SH2D4B: variants seen among roughly 807,000 people sequenced by gnomAD.
SH2D4B encodes SH2 domain-containing protein 4B.
Under a neutral mutation model 61.5 loss-of-function variants are expected in SH2D4B, and 45 were observed. The ratio of observed to expected loss-of-function variants is 0.73; its 90% CI spans 0.58 to 0.94. The LOEUF (loss-of-function observed/expected upper bound fraction) is 0.94. Among genes scored for constraint, SH2D4B ranks in the 40% least tolerant of loss-of-function variants. SH2D4B has a pLI of 0.00. For missense variants in SH2D4B, 572 were observed against 574.2 expected (o/e 1.00, Z 0.04); for synonymous variants, 224 against 220.4 (o/e 1.02, Z -0.14).
intron 6 of SH2D4B, among the ~76,000 whole-genome samples, chr10:80,623,634 G>A (rs1842741421): frequency 6.6e-6 from 1 of 152,110 alleles, no homozygotes; most frequent in Non-Finnish European, 1.5e-5. Context: ...TTGGAGATTT[G>A]GAGAGATTTT....
chr10:80,571,693 T>A (rs1418542440), intron 3 of SH2D4B, 115 bp downstream of exon 3: 6 of 1,188,434 alleles, frequency 5.0e-6, no homozygotes, highest in Non-Finnish European at 7.1e-6. Context: ...GGGTGCTTTA[T>A]GAGAATAGAA....
intron 4 of SH2D4B, among the ~76,000 whole-genome samples, chr10:80,593,458 A>C (rs1353166721): frequency 6.6e-6 from 1 of 152,144 alleles, no homozygotes; most frequent in Admixed American, 6.5e-5. Context: ...TTCTGATGCT[A>C]TTATAAATAG....
chr10:80,640,434 G>A (rs4342966), intron 7 of SH2D4B, among the ~76,000 whole-genome samples: 7,717 of 152,238 alleles, frequency 0.051, 650 homozygotes, highest in African/African-American at 0.18. Context: ...CCAATCAGAC[G>A]TAGATTTGGT....
chr10:80,615,246 C>T (rs1000825977), intron 6 of SH2D4B, among the ~76,000 whole-genome samples: 3 of 152,256 alleles, frequency 2.0e-5, no homozygotes, highest in African/African-American at 7.2e-5. Context: ...ACTGCAAGAG[C>T]TGGTCATGGT....
chr10:80,573,645 TG>T (rs1842090170), intron 3 of SH2D4B, among the ~76,000 whole-genome samples: 1 of 152,230 alleles, frequency 6.6e-6, no homozygotes, highest in Non-Finnish European at 1.5e-5. Context: ...GTTACTTACT[TG>T]TGGACCTTTT....
intron 7 of SH2D4B, 69 bp downstream of exon 7, chr10:80,634,574 A>G (rs1395302743): frequency 6.6e-7 from 1 of 1,523,598 alleles, no homozygotes; most frequent in Non-Finnish European, 8.8e-7. Context: ...AGAGAGAGCT[A>G]GAGCAAGAGA....
chr10:80,577,997 G>T (rs1272499914), intron 3 of SH2D4B, among the ~76,000 whole-genome samples: 1 of 151,492 alleles, frequency 6.6e-6, no homozygotes. Flanking sequence ...TCGAGACAGG[G>T]TCCGGCTCTG....
intron 1 of SH2D4B, among the ~76,000 whole-genome samples, chr10:80,563,058 C>G (rs959945400): frequency 4.6e-5 from 7 of 151,550 alleles, no homozygotes; most frequent in Admixed American, 4.6e-4. Flanking sequence ...CCTGCCACTA[C>G]GCCCGGCTAA....
At chr10:80,543,324 C>T (rs547845013) in intron 1 of SH2D4B, among the ~76,000 whole-genome samples, 195 of 152,220 alleles carry the variant, frequency 1.3e-3, no homozygotes, top group African/African-American at 4.5e-3. Flanking sequence ...GTGGGCTGGG[C>T]GGACCCCGCA....
At chr10:80,545,438 T>C (rs1841662406) in intron 1 of SH2D4B, among the ~76,000 whole-genome samples, 1 of 147,762 alleles carries the variant, frequency 6.8e-6, no homozygotes, top group South Asian at 2.1e-4. Context: ...TCTTCTCCTT[T>C]CTCTCCTCCT....
At chr10:80,544,960 G>C (rs1030934689) in intron 1 of SH2D4B, among the ~76,000 whole-genome samples, 79 of 152,164 alleles carry the variant, frequency 5.2e-4, no homozygotes, top group African/African-American at 1.9e-3. Context: ...TCATCTCTCG[G>C]TTGAATGCAG....
chr10:80,542,695 C>A (rs770517099), intron 1 of SH2D4B, among the ~76,000 whole-genome samples: 2 of 152,022 alleles, frequency 1.3e-5, no homozygotes, highest in Non-Finnish European at 2.9e-5. Flanking sequence ...TGTGCCTGGC[C>A]CTGTCAGTTT....
chr10:80,580,758 G>T (rs556402321), intron 3 of SH2D4B, among the ~76,000 whole-genome samples: 1 of 152,272 alleles, frequency 6.6e-6, no homozygotes, highest in South Asian at 2.1e-4. Context: ...GCAGACCCTG[G>T]CCTCTGTGGG....
At chr10:80,629,777 A>C (rs753266095) in intron 6 of SH2D4B, among the ~76,000 whole-genome samples, 1 of 152,234 alleles carries the variant, frequency 6.6e-6, no homozygotes, top group Non-Finnish European at 1.5e-5. Context: ...GCCGTAAGAC[A>C]TAGCTATTAA....
At chr10:80,610,639 A>G (rs558529519) in intron 6 of SH2D4B, among the ~76,000 whole-genome samples, 2 of 152,254 alleles carry the variant, frequency 1.3e-5, no homozygotes, top group South Asian at 4.1e-4. Context: ...AAGTACAGAA[A>G]TACCTCCAAG....
In SH2D4B at chr10:80,571,438, A is replaced by G. The variant is rs561217730; in HGVS notation, c.355A>G (p.Lys119Glu). 3.7e-6 allele frequency: 6 copies of G among 1,613,832 alleles called. No individual in the cohort carries two copies. The highest frequency in any genetic ancestry group is 1.1e-5 in the South Asian group (1 of 91,074). The part of the protein sequence containing the change: ...QREAEELWRQ[K>E]EAEITKKFRD... ...GTGGTGCTCTCTTGGTAGGAGACAG[A>G]AGGAGGCAGAGATCACCAAGAAGTT... The change falls in exon 3 of 8, where the codon AAG becomes GAG. Residue 119 changes from lysine to glutamate, a missense_variant. Physicochemically the swap from Lys to Glu is moderately conservative, Grantham distance 56. Transcript: ENST00000646907.
chr10:80,586,579 T>C, intron 3 of SH2D4B, among the ~76,000 whole-genome samples: 1 of 152,084 alleles, frequency 6.6e-6, no homozygotes. Flanking sequence ...CCTTTGTGTC[T>C]AGCTCAGGGA....
chr10:80,549,411 C>T (rs545919253), intron 1 of SH2D4B, among the ~76,000 whole-genome samples: 1 of 152,170 alleles, frequency 6.6e-6, no homozygotes, highest in African/African-American at 2.4e-5. Context: ...CTTTCTGGCT[C>T]CCAGCCTCCT....
At chr10:80,550,081 G>T (rs969862974) in intron 1 of SH2D4B, among the ~76,000 whole-genome samples, 1 of 151,950 alleles carries the variant, frequency 6.6e-6, no homozygotes, top group Middle Eastern at 3.2e-3. Flanking sequence ...GGAGCGGGGG[G>T]TGGGGGAAAG....
Sources: allele counts gnomAD v4.1 joint callset (sites outside exome capture counted in the v4.1 genomes callset), GRCh38; gene constraint gnomAD v4.1.1; transcripts MANE v1.5; gene names NCBI Gene and HGNC (gene_info 2026-07-23, HGNC 2026-07-21).